DENND2B: variants seen among roughly 807,000 people sequenced by gnomAD.
DENND2B encodes the protein DENN domain-containing protein 2B.
In DENND2B, 32 loss-of-function variants were observed where a neutral mutation model predicts 116.0. The ratio of observed to expected loss-of-function variants is 0.28; its 90% CI spans 0.21 to 0.37. DENND2B has a LOEUF of 0.37. Ranked by LOEUF, DENND2B falls within the 10% of genes least tolerant of loss-of-function variation. DENND2B has a pLI of 1.00. For synonymous variants in DENND2B, 588 were observed against 583.9 expected, an observed-to-expected ratio of 1.01 and a Z score of -0.10; for missense variants, 1,276 against 1,477.7, an observed-to-expected ratio of 0.86 and a Z score of 2.24.
chr11:8,728,747 A>G (rs1007862003), intron 3 of DENND2B, among the ~76,000 whole-genome samples: 1 of 152,194 alleles, frequency 6.6e-6, no homozygotes, highest in Non-Finnish European at 1.5e-5. Context: ...GCCATGAGTC[A>G]TGGCACGTAT....
Position 8,697,625 on chromosome 11 carries a change from TTCG to T in DENND2B, c.2949_2951del (p.Asp983del), listed in dbSNP as rs1184034478. On this transcript the variant is annotated inframe_deletion, in exon 17 of 20. Coordinates refer to ENST00000313726, the MANE Select transcript of DENND2B (RefSeq NM_213618.2). Reference sequence around the variant, plus strand: ...GTAACTTCCTAGGTAACAACGTGTCTTCGTCGTCCATCTGCAGGAGAAAGAAAG... The same window carrying T: ...GTAACTTCCTAGGTAACAACGTGTCTTCGTCCATCTGCAGGAGAAAGAAAG... 6.2e-7 allele frequency: 1 copy of T among 1,613,622 alleles called. No homozygotes were observed. The highest frequency in any genetic ancestry group is 1.3e-5 in the African/African-American group (1 of 74,946).
intron 1 of DENND2B, among the ~76,000 whole-genome samples, chr11:8,889,978 T>A (rs938566459): frequency 2.0e-5 from 3 of 152,130 alleles, no homozygotes; most frequent in African/African-American, 4.8e-5. Flanking sequence ...GTAGCCTAAC[T>A]GGGAGGCACC....
intron 4 of DENND2B, among the ~76,000 whole-genome samples, chr11:8,722,702 T>C (rs113798835): frequency 3.3e-5 from 5 of 152,248 alleles, no homozygotes; most frequent in African/African-American, 9.6e-5. Flanking sequence ...TGGGCTGCTA[T>C]GGGGACATAA....
Position 8,709,711 on chromosome 11 carries a change from T to C in DENND2B, c.2352+1134A>G, listed in dbSNP as rs2133785055. ...GTTCTGTATGACCTTGGGCAAGTCA[T>C]TCTACCTCTGAGTTTTGACTTTCCA... On this transcript the variant is annotated intron_variant, in intron 11 of 19. Transcript: ENST00000313726. 2.0e-5 allele frequency among the ~76,000 whole-genome samples: 3 copies of C among 152,366 alleles called. No homozygotes were observed. In the Middle Eastern group the frequency reaches 0.01, roughly 518 times the overall value.
intron 2 of DENND2B, among the ~76,000 whole-genome samples, chr11:8,876,890 AAAAG>A (rs1227722374): frequency 2.6e-5 from 4 of 151,480 alleles, no homozygotes; most frequent in Non-Finnish European, 5.9e-5. Flanking sequence ...AAAAAAAAAA[AAAAG>A]AAAGAAAGAA....
intron 1 of DENND2B, among the ~76,000 whole-genome samples, chr11:8,887,623 G>A (rs542224880): frequency 6.6e-6 from 1 of 152,192 alleles, no homozygotes; most frequent in East Asian, 1.9e-4. Flanking sequence ...GTTCTATTCA[G>A]CTCCAATCCT....
intron 1 of DENND2B, chr11:8,766,793 C>A (rs1005032912): frequency 1.4e-6 from 1 of 726,552 alleles, no homozygotes; most frequent in Non-Finnish European, 2.1e-6. Context: ...GGTGGGGGTG[C>A]TGGGTTGGAG....
In DENND2B at chr11:8,726,064, A is replaced by T. The variant is rs1565738198; in HGVS notation, c.1477+9T>A. On this transcript the variant is annotated intron_variant, in intron 4 of 19. Transcript: ENST00000313726. ...AGATGACCCAGGTGCCACCTCTGCC[A>T]TTGCTTACCCACAATATCTTCATAG... 1.9e-6 allele frequency: 3 copies of T among 1,613,960 alleles called. No individual in the cohort carries two copies. The highest frequency in any genetic ancestry group is 1.3e-5 in the African/African-American group (1 of 75,022).
At chr11:8,695,318 G>A in intron 19 of DENND2B, 145 bp downstream of exon 19, 1 of 757,842 alleles carries the variant, frequency 1.3e-6, no homozygotes, top group South Asian at 1.7e-5. Flanking sequence ...GAACCTTCTA[G>A]TCACTATGGG....
At chr11:8,862,590 C>A (rs1315012792) in intron 2 of DENND2B, among the ~76,000 whole-genome samples, 1 of 152,142 alleles carries the variant, frequency 6.6e-6, no homozygotes, top group Non-Finnish European at 1.5e-5. Flanking sequence ...CTGCCATGGG[C>A]TCCCAGAGTG....
intron 1 of DENND2B, among the ~76,000 whole-genome samples, chr11:8,773,287 G>A (rs1189917237): frequency 1.3e-5 from 2 of 151,846 alleles, no homozygotes; most frequent in African/African-American, 4.8e-5. Context: ...CACGGCCAGG[G>A]CCCACAGCAG....
intron 4 of DENND2B, among the ~76,000 whole-genome samples, chr11:8,721,735 T>A (rs2046230308): frequency 6.6e-6 from 1 of 152,186 alleles, no homozygotes; most frequent in African/African-American, 2.4e-5. Flanking sequence ...CACTGCAACC[T>A]CCATCCCAGT....
At chr11:8,795,345 A>T (rs911155597) in intron 1 of DENND2B, among the ~76,000 whole-genome samples, 1 of 152,176 alleles carries the variant, frequency 6.6e-6, no homozygotes, top group Non-Finnish European at 1.5e-5. Flanking sequence ...TCATACCCTT[A>T]TTGGCATCTC....
At chr11:8,815,010 G>A (rs953351959), upstream of DENND2B, among the ~76,000 whole-genome samples, 1 of 152,060 alleles carries the variant, frequency 6.6e-6, no homozygotes, top group Non-Finnish European at 1.5e-5. Flanking sequence ...TCCTGGTAAG[G>A]TCACTCTCCT....
At chr11:8,859,359 G>C (rs977441801) in intron 2 of DENND2B, among the ~76,000 whole-genome samples, 8 of 152,098 alleles carry the variant, frequency 5.3e-5, no homozygotes, top group Non-Finnish European at 1.0e-4. Context: ...CCAGGCTGGA[G>C]TGCAGTGGCG....
chr11:8,761,822 A>T (rs1303478923), intron 1 of DENND2B, among the ~76,000 whole-genome samples: 1 of 152,170 alleles, frequency 6.6e-6, no homozygotes, highest in Non-Finnish European at 1.5e-5. Context: ...GACTGGGCAA[A>T]ATCCTAATAC....
chr11:8,877,167 G>C (rs534532314), intron 2 of DENND2B, among the ~76,000 whole-genome samples: 2 of 144,080 alleles, frequency 1.4e-5, no homozygotes, highest in African/African-American at 5.1e-5. Context: ...GCAGTGGTGC[G>C]ATCTCGGCTC....
At position 8,702,209 on chromosome 11, in the gene DENND2B, C is replaced by T. The variant is rs749930761; in HGVS notation, c.2720+363G>A. On this transcript the variant is annotated intron_variant, in intron 14 of 19. Coordinates refer to ENST00000313726, the MANE Select transcript of DENND2B (RefSeq NM_213618.2). The surrounding 1 kb of genome is among the most constrained non-coding windows in gnomAD (Gnocchi z 4.6). ...CAAACTCAGCATCCCATTGAGATGG[C>T]TTTGCCTCCCCCTCCAGAAGAAATG... Among the ~76,000 whole-genome samples, 15 of 152,194 alleles carry T rather than the reference C, an allele frequency of 9.9e-5. No homozygotes were observed. The highest frequency in any genetic ancestry group is 2.2e-4 in the Non-Finnish European group (15 of 68,038).
chr11:8,815,120 G>A (rs1310495482), upstream of DENND2B, among the ~76,000 whole-genome samples: 1 of 151,982 alleles, frequency 6.6e-6, no homozygotes, highest in East Asian at 1.9e-4. Flanking sequence ...TGTAGGAATG[G>A]CCCAGCTCCC....
Sources: allele counts gnomAD v4.1 joint callset (sites outside exome capture counted in the v4.1 genomes callset), GRCh38; gene constraint gnomAD v4.1.1; non-coding constraint Gnocchi (gnomAD v3.1); transcripts MANE v1.5; gene names NCBI Gene and HGNC (gene_info 2026-07-23, HGNC 2026-07-21).